MAGI2: variants seen among roughly 807,000 people sequenced by gnomAD.
MAGI2 encodes membrane associated guanylate kinase, WW and PDZ domain containing 2.
MAGI2 carries 35 observed loss-of-function variants against 133.3 expected under a neutral mutation model. The ratio of observed to expected loss-of-function variants is 0.26; its 90% CI spans 0.20 to 0.35. The LOEUF (loss-of-function observed/expected upper bound fraction) is 0.35, where lower values mean the gene tolerates loss of function less well. Ranked by LOEUF, MAGI2 falls within the 10% of genes least tolerant of loss-of-function variation. The probability of loss-of-function intolerance (pLI) is 1.00; values close to 1 mark genes in which losing one functional copy is unlikely to be tolerated. For synonymous variants in MAGI2, 729 were observed against 710.6 expected (o/e 1.03, Z -0.41); for missense variants, 1,636 against 1,863.4 (o/e 0.88, Z 2.25).
At position 78,478,836 on chromosome 7, in the gene MAGI2, C is replaced by G. The variant is rs530643080; in HGVS notation, c.1045+10925G>C. 2.6e-5 allele frequency among the ~76,000 whole-genome samples: 4 copies of G among 152,072 alleles called. 1 individual carries two copies. Among genetic ancestry groups the G allele is most frequent in the South Asian group, 4.1e-4 (2 of 4,826 alleles). On this transcript the variant is annotated intron_variant, in intron 6 of 21. Coordinates refer to ENST00000354212, the MANE Select transcript of MAGI2 (RefSeq NM_012301.4). ...AAGACCTTCAGCCTGGAATGGACAA[C>G]AGGCATCAACAAACAACAAAAGCAA...
chr7:79,203,306 T>A (rs558503081), intron 1 of MAGI2, among the ~76,000 whole-genome samples: 1 of 152,090 alleles, frequency 6.6e-6, no homozygotes, highest in South Asian at 2.1e-4. Flanking sequence ...ACAAAGTAGG[T>A]CATTTTACTC....
intron 2 of MAGI2, among the ~76,000 whole-genome samples, chr7:78,707,107 G>A (rs1268212517): frequency 6.6e-6 from 1 of 152,026 alleles, no homozygotes; most frequent in African/African-American, 2.4e-5. Context: ...TTTACCTCAA[G>A]AGCCACACCC....
intron 9 of MAGI2, among the ~76,000 whole-genome samples, chr7:78,282,579 TAG>T (rs1204294434): frequency 6.6e-6 from 1 of 152,096 alleles, no homozygotes; most frequent in Non-Finnish European, 1.5e-5. Flanking sequence ...ACCCCTGCCT[TAG>T]ACTGTAAGTT....
At chr7:79,209,306 C>T (rs926075834) in intron 1 of MAGI2, among the ~76,000 whole-genome samples, 2 of 151,682 alleles carry the variant, frequency 1.3e-5, no homozygotes, top group Non-Finnish European at 1.5e-5. Context: ...TTATCTGTCG[C>T]AAAAACATAA....
intron 2 of MAGI2, among the ~76,000 whole-genome samples, chr7:78,909,608 A>G (rs1362491546): frequency 6.7e-6 from 1 of 149,776 alleles, no homozygotes; most frequent in Admixed American, 6.6e-5. Context: ...ATCTCAAAAA[A>G]AAAAAAAAAA....
intron 9 of MAGI2, among the ~76,000 whole-genome samples, chr7:78,320,849 G>A (rs1454321769): frequency 6.6e-6 from 1 of 152,148 alleles, no homozygotes; most frequent in Non-Finnish European, 1.5e-5. Flanking sequence ...TCTTGCAGAT[G>A]ACATGATGGT....
At chr7:78,144,965 A>G (rs1004661525) in intron 16 of MAGI2, among the ~76,000 whole-genome samples, 2 of 151,840 alleles carry the variant, frequency 1.3e-5, no homozygotes, top group Non-Finnish European at 2.9e-5. Flanking sequence ...CCCACTTATG[A>G]GTGAGAACAT....
chr7:78,158,481 A>C (rs1186488340), intron 16 of MAGI2: 2 of 152,180 alleles, frequency 1.3e-5, no homozygotes, highest in African/African-American at 4.8e-5. Context: ...GAGGAGCTTC[A>C]GAAGTTGCGT....
chr7:78,538,607 T>C (rs780381473), intron 3 of MAGI2, among the ~76,000 whole-genome samples: 3 of 152,200 alleles, frequency 2.0e-5, no homozygotes, highest in African/African-American at 4.8e-5. Flanking sequence ...TTGTAGCTAT[T>C]GTAAAAGGGG....
intron 2 of MAGI2, among the ~76,000 whole-genome samples, chr7:78,636,683 A>G (rs1371230856): frequency 6.6e-6 from 1 of 152,140 alleles, no homozygotes; most frequent in African/African-American, 2.4e-5. Context: ...CTGTAGTCCC[A>G]GCTACTCGGG....
At chr7:78,834,080 C>A (rs73702600) in intron 2 of MAGI2, among the ~76,000 whole-genome samples, 13,222 of 151,992 alleles carry the variant, frequency 0.087, 739 homozygotes, top group East Asian at 0.2. Flanking sequence ...CTCATTGCAG[C>A]CTTGAACTCT....
chr7:78,948,041 A>G (rs960099131), intron 2 of MAGI2, among the ~76,000 whole-genome samples: 5 of 152,082 alleles, frequency 3.3e-5, no homozygotes, highest in Admixed American at 6.6e-5. Context: ...GACGTTGAAG[A>G]TAGTATTATT....
intron 15 of MAGI2, among the ~76,000 whole-genome samples, chr7:78,165,741 G>C (rs1371388468): frequency 6.6e-6 from 1 of 152,002 alleles, no homozygotes; most frequent in Non-Finnish European, 1.5e-5. Context: ...CTTTGCTTAG[G>C]AAAGCATAAT....
chr7:78,931,476 G>A (rs1230371711), intron 2 of MAGI2, among the ~76,000 whole-genome samples: 1 of 152,070 alleles, frequency 6.6e-6, no homozygotes, highest in Non-Finnish European at 1.5e-5. Flanking sequence ...GCAATGTTCT[G>A]GACAGTGGGA....
At chr7:78,726,220 A>G (rs914281307) in intron 2 of MAGI2, among the ~76,000 whole-genome samples, 13 of 152,208 alleles carry the variant, frequency 8.5e-5, no homozygotes, top group African/African-American at 2.7e-4. Context: ...AAAAGGAACC[A>G]CTGATAATTT....
intron 9 of MAGI2, among the ~76,000 whole-genome samples, chr7:78,287,417 T>C (rs1318932368): frequency 1.3e-5 from 2 of 152,178 alleles, no homozygotes; most frequent in Non-Finnish European, 2.9e-5. Context: ...ACGTCTGATA[T>C]GTAGTAGGAA....
chr7:78,616,323 C>T (rs1807082627), intron 3 of MAGI2: 1 of 151,918 alleles, frequency 6.6e-6, no homozygotes, highest in African/African-American at 2.4e-5. Context: ...GCAGAGAAAT[C>T]AAGGAAGCCT....
chr7:79,451,959 C>G (rs1849292717), intron 1 of MAGI2, among the ~76,000 whole-genome samples: 1 of 152,226 alleles, frequency 6.6e-6, no homozygotes, highest in South Asian at 2.1e-4. Flanking sequence ...CTCTTCTCTC[C>G]TTCTGCACCA....
intron 2 of MAGI2, among the ~76,000 whole-genome samples, chr7:78,640,349 A>G (rs1231203111): frequency 6.6e-6 from 1 of 152,192 alleles, no homozygotes; most frequent in Non-Finnish European, 1.5e-5. Flanking sequence ...CTCTCAAATC[A>G]CTGTTGCTGA....
Sources: allele counts gnomAD v4.1 joint callset (sites outside exome capture counted in the v4.1 genomes callset), GRCh38; gene constraint gnomAD v4.1.1; transcripts MANE v1.5; gene names NCBI Gene and HGNC (gene_info 2026-07-23, HGNC 2026-07-21).